TMEM169: variants seen among roughly 807,000 people sequenced by gnomAD.
The protein encoded by TMEM169 is transmembrane protein 169.
TMEM169 carries 18 observed loss-of-function variants against 27.3 expected under a neutral mutation model. That is an observed-to-expected ratio of 0.66 (90% CI 0.46 to 0.98). The LOEUF (loss-of-function observed/expected upper bound fraction) is 0.98. TMEM169 is among the 50% of genes least tolerant of loss of function. The probability of loss-of-function intolerance (pLI) is 0.00; values close to 1 mark genes in which losing one functional copy is unlikely to be tolerated. For synonymous variants in TMEM169, 136 were observed against 142.1 expected (o/e 0.96, Z 0.30); for missense variants, 320 against 368.6 (o/e 0.87, Z 1.08).
At position 216,096,132 on chromosome 2, in the gene TMEM169, TCAGA is replaced by T. The variant is rs761002797; in HGVS notation, c.172_175del (p.Asp58MetfsTer26). 2 of 1,613,960 alleles carry T rather than the reference TCAGA, an allele frequency of 1.2e-6. No homozygotes were observed. The highest frequency in any genetic ancestry group is 1.1e-5 in the South Asian group (1 of 91,076). On this transcript the variant is annotated frameshift_variant, in exon 2 of 3. Coordinates refer to ENST00000437356, the MANE Select transcript of TMEM169 (RefSeq NM_001142311.2). LOFTEE classifies it high-confidence loss of function. ...CCCAGAATCCATCATCATCTACCGCTCAGACAATGAGAAAACAGATGAGGAGCCC... is the reference window on the plus strand; with the variant it reads ...CCCAGAATCCATCATCATCTACCGCTCAATGAGAAAACAGATGAGGAGCCC...
chr2:216,097,239 A>G (rs1346177203), intron 2 of TMEM169, among the ~76,000 whole-genome samples: 1 of 152,182 alleles, frequency 6.6e-6, no homozygotes, highest in Non-Finnish European at 1.5e-5. Flanking sequence ...TGTTTGTATT[A>G]AGAATTATTG....
chr2:216,088,157 C>CAA (rs1408492038), intron 1 of TMEM169, among the ~76,000 whole-genome samples: 29 of 118,032 alleles, frequency 2.5e-4, no homozygotes, highest in African/African-American at 6.3e-4. Context: ...GACTCTGTCT[C>CAA]AAAAAAAAAA....
chr2:216,097,549 TG>T (rs1252482775), intron 2 of TMEM169, among the ~76,000 whole-genome samples: 1 of 152,088 alleles, frequency 6.6e-6, no homozygotes, highest in African/African-American at 2.4e-5. Flanking sequence ...CACTCCAGCC[TG>T]GGTGACAGAG....
intron 1 of TMEM169, among the ~76,000 whole-genome samples, chr2:216,087,566 C>A (rs1696034693): frequency 6.6e-6 from 1 of 152,128 alleles, no homozygotes; most frequent in African/African-American, 2.4e-5. Context: ...TAGATCTTTG[C>A]ATAAATGTTG....
chr2:216,101,002 T>G lies in TMEM169; in HGVS notation c.*460T>G, dbSNP rs1244571172. On this transcript the variant is annotated 3_prime_UTR_variant, in exon 3 of 3. Transcript: ENST00000437356. ...AAGGTAAAGATTTGTGTGTATCATT[T>G]AGATTTAGATTTAGCTGCATAGAAT... 1.0e-5 allele frequency: 2 copies of G among 193,812 alleles called. No homozygotes were observed. The highest frequency in any genetic ancestry group is 2.1e-5 in the Non-Finnish European group (2 of 93,194). The allele number at this position is 193,812 out of a possible 1,614,324, so 12.0% of individuals were successfully genotyped here.
In TMEM169 at chr2:216,099,107, G is replaced by A. The variant is rs1005012054; in HGVS notation, c.272-813G>A. Among the ~76,000 whole-genome samples the A allele has an allele frequency of 6.6e-6, 1 of 151,152 alleles. No individual in the cohort carries two copies. The highest frequency in any genetic ancestry group is 2.4e-5 in the African/African-American group (1 of 41,038). ...GGTGTGTTATGTGTGTATGTTGCAT[G>A]TATGTGTGATATGTATGGGTATGTG... On this transcript the variant is annotated intron_variant, in intron 2 of 2. Transcript: ENST00000437356. This position sits in a 1 kb window ranked among gnomAD's most constrained non-coding sequence, Gnocchi z 5.0.
At chr2:216,088,525 CAT>C (rs1696059187) in intron 1 of TMEM169, among the ~76,000 whole-genome samples, 1 of 152,142 alleles carries the variant, frequency 6.6e-6, no homozygotes, top group Admixed American at 6.5e-5. Flanking sequence ...ATATATAGCA[CAT>C]AGTGTTGCTT....
chr2:216,100,853 T>G lies in TMEM169; in HGVS notation c.*311T>G, dbSNP rs1696380548. ...TGGAAGTGTTACTGGTGCCTGGAACTGAGGGGAGTATGTGACTAAATGTGT... is the reference window on the plus strand; with the variant it reads ...TGGAAGTGTTACTGGTGCCTGGAACGGAGGGGAGTATGTGACTAAATGTGT... On this transcript the variant is annotated 3_prime_UTR_variant, in exon 3 of 3. Transcript: ENST00000437356. 4 of 406,460 alleles carry G rather than the reference T, an allele frequency of 9.8e-6. No homozygotes were observed. The highest frequency in any genetic ancestry group is 9.0e-5 in the South Asian group (4 of 44,544). 25.2% of individuals were successfully genotyped at this position (406,460 alleles called of 1,614,324 possible). A position where few individuals can be genotyped will look rare whatever the true frequency, so the allele number is the denominator to read the frequency against.
chr2:216,089,838 A>G (rs942578486), intron 1 of TMEM169, among the ~76,000 whole-genome samples: 1 of 152,246 alleles, frequency 6.6e-6, no homozygotes, highest in African/African-American at 2.4e-5. Flanking sequence ...TCTCACTGCT[A>G]TATTTAACGC....
At chr2:216,088,433 C>T (rs1237420367) in intron 1 of TMEM169, among the ~76,000 whole-genome samples, 1 of 152,228 alleles carries the variant, frequency 6.6e-6, no homozygotes, top group Non-Finnish European at 1.5e-5. Flanking sequence ...CACTACACTC[C>T]AGCTTGGGCG....
chr2:216,094,279 CTT>C (rs1696210020), intron 1 of TMEM169, among the ~76,000 whole-genome samples: 1 of 152,164 alleles, frequency 6.6e-6, no homozygotes, highest in Non-Finnish European at 1.5e-5. Context: ...CGCTTGGAAA[CTT>C]TTTATATCCA....
intron 1 of TMEM169, among the ~76,000 whole-genome samples, chr2:216,090,145 A>G (rs894659126): frequency 4.6e-5 from 7 of 152,188 alleles, no homozygotes; most frequent in African/African-American, 1.7e-4. Context: ...TTGGTTGGAG[A>G]AAAATGAGAT....
At chr2:216,092,182 G>A (rs923912927) in intron 1 of TMEM169, among the ~76,000 whole-genome samples, 3 of 152,094 alleles carry the variant, frequency 2.0e-5, no homozygotes, top group African/African-American at 7.2e-5. Context: ...CAGCCAACAA[G>A]ATGACCATGT....
intron 1 of TMEM169, among the ~76,000 whole-genome samples, chr2:216,090,899 ACT>A (rs929497850): frequency 1.3e-5 from 2 of 152,234 alleles, no homozygotes; most frequent in African/African-American, 4.8e-5. Flanking sequence ...TTAGGAAAAC[ACT>A]GTTTTTACAG....
Position 216,096,140 on chromosome 2 carries a change from T to A in TMEM169, c.177T>A (p.Asn59Lys). The A allele has an allele frequency of 6.2e-7, 1 of 1,612,942 alleles. No homozygotes were observed. The highest frequency in any genetic ancestry group is 8.5e-7 in the Non-Finnish European group (1 of 1,179,198). ...PESIIIYRSD[N>K]EKTDEEPGES... is the part of the protein sequence containing the mutation. ...CCATCATCATCTACCGCTCAGACAA[T>A]GAGAAAACAGATGAGGAGCCCGGAG... The change falls in exon 2 of 3, where the codon AAT (asparagine) becomes AAA (lysine). Residue 59 changes from asparagine (N) to lysine (K), a missense_variant. Physicochemically the swap from Asn to Lys is moderately conservative, Grantham distance 94. Transcript: ENST00000437356.
chr2:216,093,125 A>AGTGTGTGTGT (rs60241289), intron 1 of TMEM169, among the ~76,000 whole-genome samples: 1,795 of 145,876 alleles, frequency 0.012, 18 homozygotes, highest in African/African-American at 0.032. Context: ...GTAATAATGA[A>AGTGTGTGTGT]GTGTGTGTGT....
In TMEM169 at chr2:216,102,530, A is replaced by G. The variant is rs1574442406; in HGVS notation, c.*1988A>G. ...GCTGTTGAGAGAACTGCTGCGATGA[A>G]TCAAACCAGAGGAGTTTGTCATGCT... On this transcript the variant is annotated 3_prime_UTR_variant, in exon 3 of 3. Transcript: ENST00000437356. 1 of 152,640 alleles carries G rather than the reference A, an allele frequency of 6.6e-6. No individual in the cohort carries two copies. Among genetic ancestry groups the G allele is most frequent in the East Asian group, 1.9e-4 (1 of 5,188 alleles). 9.5% of individuals were successfully genotyped at this position (152,640 alleles called of 1,614,324 possible). A position where few individuals can be genotyped will look rare whatever the true frequency, so the allele number is the denominator to read the frequency against.
At chr2:216,092,273 G>GCT (rs1199389890) in intron 1 of TMEM169, among the ~76,000 whole-genome samples, 1 of 152,150 alleles carries the variant, frequency 6.6e-6, no homozygotes, top group African/African-American at 2.4e-5. Context: ...GGCTCAGGAA[G>GCT]CTCTTCCTGT....
chr2:216,086,557 A>G (rs552797854), intron 1 of TMEM169, among the ~76,000 whole-genome samples: 4 of 152,382 alleles, frequency 2.6e-5, no homozygotes, highest in Admixed American at 2.0e-4. Context: ...TCTCAGATCA[A>G]ATACTTACAG....
Sources: allele counts gnomAD v4.1 joint callset (sites outside exome capture counted in the v4.1 genomes callset), GRCh38; gene constraint gnomAD v4.1.1; non-coding constraint Gnocchi (gnomAD v3.1); transcripts MANE v1.5; gene names NCBI Gene and HGNC (gene_info 2026-07-23, HGNC 2026-07-21).